VWDE: variants seen among roughly 807,000 people sequenced by gnomAD.
VWDE encodes the protein von Willebrand factor D and EGF domains.
In VWDE, 207 loss-of-function variants were observed where a neutral mutation model predicts 178.4. That is an observed-to-expected ratio of 1.16 (90% CI 1.04 to 1.30). The LOEUF is 1.30. Among genes scored for constraint, VWDE ranks in the 50% most tolerant of loss-of-function variants. The pLI is 0.00. For missense variants in VWDE, 2,287 were observed against 1,901.3 expected, an observed-to-expected ratio of 1.20 and a Z score of -3.77; for synonymous variants, 738 against 651.4, an observed-to-expected ratio of 1.13 and a Z score of -2.02.
Position 12,370,427 on chromosome 7 carries a change from A to T in VWDE, c.1879T>A (p.Leu627Met), listed in dbSNP as rs185211549. ...GAAGACGGATACGCTGCAGTGTCCA[A>T]TGAACAGCTACAATAGGATGGCTTT... ...PGKPSYCSCS[L>M]DTAAYPSSED... is the part of the protein sequence containing the mutation. The change falls in exon 12 of 29, where the codon TTG becomes ATG. Residue 627 changes from leucine to methionine, a missense_variant. By Grantham distance (15) the Leu-to-Met change is conservative. Coordinates refer to ENST00000275358, the MANE Select transcript of VWDE (RefSeq NM_001135924.3). The T allele has an allele frequency of 6.5e-7, 1 of 1,545,558 alleles. No homozygotes were observed.
intron 28 of VWDE, 144 bp from the exon 29 acceptor site, chr7:12,331,341 A>C: frequency 1.7e-6 from 1 of 572,590 alleles, no homozygotes; most frequent in Non-Finnish European, 2.9e-6. Context: ...TACTGTTTTC[A>C]TAAAATTGAA....
intron 3 of VWDE, among the ~76,000 whole-genome samples, chr7:12,388,251 C>T (rs1784203191): frequency 6.6e-6 from 1 of 152,094 alleles, no homozygotes; most frequent in African/African-American, 2.4e-5. Context: ...GGGAAGAGTA[C>T]TACAAAAGAG....
intron 27 of VWDE, 54 bp from the exon 28 acceptor site, chr7:12,333,622 C>T: frequency 8.1e-7 from 1 of 1,237,898 alleles, no homozygotes; most frequent in Non-Finnish European, 1.2e-6. Flanking sequence ...ATGCTTGTGG[C>T]ATATTCTATC....
intron 17 of VWDE, among the ~76,000 whole-genome samples, chr7:12,356,708 T>C (rs1452425076): frequency 6.6e-6 from 1 of 152,198 alleles, no homozygotes; most frequent in Non-Finnish European, 1.5e-5. Flanking sequence ...TGGGTTAATA[T>C]GGCATAGAAC....
rs1335566548 is a variant in VWDE, at chr7:12,394,718, T to C, written c.59-940A>G. Among the ~76,000 whole-genome samples the C allele has an allele frequency of 2.6e-5, 4 of 152,274 alleles. No individual in the cohort carries two copies. The East Asian group carries it at 5.8e-4, about 22-fold the overall frequency. On this transcript the variant is annotated intron_variant, in intron 1 of 28. Transcript: ENST00000275358. The stretch of plus-strand genomic sequence containing the variant: ...TTGATAGAAAATCTTCAAATACTTA[T>C]ATTATATTTATTGATGGAAAACACT...
chr7:12,339,114 G>A (rs114164878), intron 24 of VWDE, among the ~76,000 whole-genome samples: 486 of 152,174 alleles, frequency 3.2e-3, no homozygotes, highest in African/African-American at 0.011. Context: ...AGAAAGCTGT[G>A]GAGGCAAGCT....
chr7:12,332,175 T>C (rs3815528), intron 28 of VWDE, among the ~76,000 whole-genome samples: 98,355 of 151,238 alleles, frequency 0.65, 32,908 homozygotes, highest in African/African-American at 0.83. Context: ...CAAAGAAATA[T>C]CGAAAGCAAG....
intron 21 of VWDE, among the ~76,000 whole-genome samples, chr7:12,343,548 T>C (rs1372711496): frequency 6.6e-6 from 1 of 152,198 alleles, no homozygotes; most frequent in East Asian, 1.9e-4. Context: ...TCACCCTAAA[T>C]TTACTTTAAT....
intron 7 of VWDE, among the ~76,000 whole-genome samples, chr7:12,377,392 C>T (rs1347064906): frequency 2.0e-5 from 3 of 152,002 alleles, no homozygotes; most frequent in African/African-American, 7.3e-5. Flanking sequence ...AAATGTCTCT[C>T]ATTGGGGATG....
intron 3 of VWDE, among the ~76,000 whole-genome samples, chr7:12,384,733 A>C (rs867527202): frequency 5.3e-5 from 8 of 152,138 alleles, no homozygotes; most frequent in Middle Eastern, 3.2e-3. Context: ...TTATACCACC[A>C]ATGAGCCAAG....
chr7:12,364,461 C>T (rs1782752275), intron 13 of VWDE, among the ~76,000 whole-genome samples: 1 of 151,980 alleles, frequency 6.6e-6, no homozygotes, highest in Non-Finnish European at 1.5e-5. Flanking sequence ...ATTATGGGAG[C>T]AAGTTAAAAG....
chr7:12,331,198 C>A lies in VWDE; in HGVS notation c.4759-1G>T, dbSNP rs1780703000. ...TTGATGCTACTCAATGGCGTCTTAT[C>A]TGTAGTAGGAAGAAGGAAATTGTGT... On this transcript the variant is annotated splice_acceptor_variant, in intron 28 of 28. Coordinates refer to ENST00000275358, the MANE Select transcript of VWDE (RefSeq NM_001135924.3). LOFTEE classifies it high-confidence loss of function. The A allele has an allele frequency of 1.9e-6, 3 of 1,540,880 alleles. No homozygotes were observed. The highest frequency in any genetic ancestry group is 2.4e-5 in the South Asian group (2 of 83,292).
chr7:12,362,616 CT>C (rs1394767743), intron 13 of VWDE, among the ~76,000 whole-genome samples: 2 of 152,066 alleles, frequency 1.3e-5, no homozygotes, highest in African/African-American at 4.8e-5. Flanking sequence ...AAACTTATTA[CT>C]GTCAAATGTT....
chr7:12,351,905 G>A (rs1252381546), intron 18 of VWDE, among the ~76,000 whole-genome samples, 192 bp from the exon 19 acceptor site: 1 of 152,154 alleles, frequency 6.6e-6, no homozygotes, highest in East Asian at 1.9e-4. Context: ...AAATTCATAT[G>A]TTAAATCCCT....
At position 12,357,483 on chromosome 7, in the gene VWDE, C is replaced by T. The variant is rs1437675049; in HGVS notation, c.3307G>A (p.Asp1103Asn). 1.3e-6 allele frequency: 2 copies of T among 1,552,010 alleles called. No homozygotes were observed. The highest frequency in any genetic ancestry group is 1.7e-6 in the Non-Finnish European group (2 of 1,147,110). ...TCACCATAAAATGTCTGTAATTTGT[C>T]TTGCAATGCTTGAATCACTGGGGGC... The part of the protein sequence containing the change: ...NQPPVIQALQ[D>N]KLQTFYGENF... Residue 1103 changes from aspartate to asparagine, a missense_variant, in exon 17 of 29, where the codon GAC becomes AAC. Asp to Asn is a conservative substitution (Grantham distance 23, BLOSUM62 1). Coordinates refer to ENST00000275358, the MANE Select transcript of VWDE (RefSeq NM_001135924.3).
In VWDE at chr7:12,403,377, G is replaced by A. The variant is rs80267671; in HGVS notation, c.58+282C>T. Among the ~76,000 whole-genome samples the A allele has an allele frequency of 8.6e-3, 1,307 of 152,278 alleles. 22 individuals carry two copies. Among genetic ancestry groups the A allele is most frequent in the African/African-American group, 0.03 (1,264 of 41,552 alleles). ...AAATTACAATGACCTCAAAGAGCAG[G>A]ATAACAGCAGGAAACAACCAAAAAC... On this transcript the variant is annotated intron_variant, in intron 1 of 28. Coordinates refer to ENST00000275358, the MANE Select transcript of VWDE (RefSeq NM_001135924.3).
chr7:12,395,368 T>C (rs1784574582), intron 1 of VWDE, among the ~76,000 whole-genome samples: 1 of 152,282 alleles, frequency 6.6e-6, no homozygotes, highest in African/African-American at 2.4e-5. Context: ...TAAAATGTTT[T>C]CTCTGATCTC....
intron 6 of VWDE, among the ~76,000 whole-genome samples, chr7:12,379,148 T>G (rs1282715525): frequency 6.6e-6 from 1 of 152,240 alleles, no homozygotes; most frequent in Non-Finnish European, 1.5e-5. Flanking sequence ...GCCTGGTATC[T>G]GTCTTCCAAA....
chr7:12,357,419 C>T lies in VWDE; in HGVS notation c.3371G>A (p.Gly1124Asp). Residue 1124 changes from glycine (G) to aspartate (D), a missense_variant, in exon 17 of 29, where the codon GGT becomes GAT. Transcript: ENST00000275358. The part of the protein sequence containing the change: ...EYQFVAFDPE[G>D]SDIHFTLDSG... The stretch of plus-strand genomic sequence containing the variant: ...GTCCAACGTAAAATGGATGTCAGAA[C>T]CTTCTGGATCGAAGGCCACGAACTG... The T allele has an allele frequency of 6.4e-7, 1 of 1,551,940 alleles. No homozygotes were observed. The highest frequency in any genetic ancestry group is 8.7e-7 in the Non-Finnish European group (1 of 1,147,064).
Sources: allele counts gnomAD v4.1 joint callset (sites outside exome capture counted in the v4.1 genomes callset), GRCh38; gene constraint gnomAD v4.1.1; transcripts MANE v1.5; gene names NCBI Gene and HGNC (gene_info 2026-07-23, HGNC 2026-07-21).